TENM2: variants seen among roughly 807,000 people sequenced by gnomAD.
TENM2 encodes the protein teneurin transmembrane protein 2.
A neutral mutation model predicts 245.2 loss-of-function variants in TENM2; 52 were observed. The ratio of observed to expected loss-of-function variants is 0.21; its 90% CI spans 0.17 to 0.27. The LOEUF is 0.27. Among genes scored for constraint, TENM2 ranks in the 10% least tolerant of loss-of-function variants. The pLI is 1.00. For synonymous variants in TENM2, 1,363 were observed against 1,438.9 expected (o/e 0.95, Z 1.19); for missense variants, 3,046 against 3,666.8 (o/e 0.83, Z 4.37).
At chr5:167,728,658 TGA>T (rs1268166397) in intron 2 of TENM2, 1 of 151,968 alleles carries the variant, frequency 6.6e-6, no homozygotes, top group East Asian at 1.9e-4. Context: ...AAAGAGTGGC[TGA>T]GGGAGTATGT....
intron 10 of TENM2, 104 bp from the exon 13 acceptor site, chr5:168,124,746 T>C: frequency 1.9e-6 from 2 of 1,069,914 alleles, no homozygotes; most frequent in Non-Finnish European, 2.7e-6. Flanking sequence ...GGATGGGAAC[T>C]GGTGACCCAC....
intron 2 of TENM2, among the ~76,000 whole-genome samples, chr5:167,476,907 AT>A (rs2127522246): frequency 6.6e-6 from 1 of 152,204 alleles, no homozygotes; most frequent in Admixed American, 6.5e-5. Context: ...CCAATAGCTG[AT>A]TTCTTTAAAG....
chr5:167,998,847 G>T (rs914848852), intron 5 of TENM2, among the ~76,000 whole-genome samples: 6 of 152,192 alleles, frequency 3.9e-5, no homozygotes, highest in Non-Finnish European at 5.9e-5. Flanking sequence ...TGTTAAAAGT[G>T]TGGTAATTTG....
At chr5:167,045,111 G>A in the TENM2 span, among the ~76,000 whole-genome samples, 2 of 152,188 alleles carry the variant, frequency 1.3e-5, no homozygotes, top group Non-Finnish European at 2.9e-5. Context: ...ATGCAAGCCT[G>A]CATTTGACAA....
At chr5:167,194,789 T>G in the TENM2 span, among the ~76,000 whole-genome samples, 1 of 151,980 alleles carries the variant, frequency 6.6e-6, no homozygotes, top group South Asian at 2.1e-4. Context: ...GATAAGCACT[T>G]TCTTAGAAAT....
the TENM2 span, among the ~76,000 whole-genome samples, chr5:167,133,515 G>A: frequency 6.6e-6 from 1 of 151,472 alleles, no homozygotes; most frequent in Admixed American, 6.6e-5. Context: ...GTGGAGTTAG[G>A]CAGATAGAAA....
chr5:167,338,699 T>G (rs1162879830), intron 1 of TENM2, among the ~76,000 whole-genome samples: 3 of 152,166 alleles, frequency 2.0e-5, no homozygotes, highest in Non-Finnish European at 4.4e-5. Context: ...GTTAGCATGG[T>G]CTTTTGTCAA....
the TENM2 span, among the ~76,000 whole-genome samples, chr5:167,005,166 C>T: frequency 2.6e-5 from 4 of 152,200 alleles, no homozygotes; most frequent in East Asian, 1.9e-4. Context: ...TGGATTCGAG[C>T]GAGGGCTTTC....
chr5:167,484,660 A>G (rs543116322), intron 2 of TENM2, among the ~76,000 whole-genome samples: 1 of 152,282 alleles, frequency 6.6e-6, no homozygotes, highest in East Asian at 1.9e-4. Context: ...GTCTTACAAC[A>G]ATGAACTACA....
the TENM2 span, among the ~76,000 whole-genome samples, chr5:167,170,777 C>T: frequency 4.6e-5 from 7 of 152,178 alleles, no homozygotes; most frequent in African/African-American, 1.7e-4. Flanking sequence ...CAAAGTCCAC[C>T]ACGAACCTCA....
intron 3 of TENM2, among the ~76,000 whole-genome samples, chr5:167,876,783 C>T (rs568894481): frequency 7.9e-5 from 12 of 152,236 alleles, no homozygotes; most frequent in Middle Eastern, 3.4e-3. Flanking sequence ...TAGAATTTGA[C>T]AAGTTGGTGG....
At chr5:167,109,779 C>G in the TENM2 span, among the ~76,000 whole-genome samples, 1 of 152,124 alleles carries the variant, frequency 6.6e-6, no homozygotes, top group Non-Finnish European at 1.5e-5. Context: ...CGTTATGGTA[C>G]CAGAATTTCT....
At chr5:167,749,104 A>G (rs897588507) in intron 2 of TENM2, among the ~76,000 whole-genome samples, 1 of 152,100 alleles carries the variant, frequency 6.6e-6, no homozygotes, top group Admixed American at 6.6e-5. Flanking sequence ...TACTGGTTTC[A>G]TTACATATTT....
intron 7 of TENM2, among the ~76,000 whole-genome samples, chr5:168,083,878 A>G (rs1177709647): frequency 6.6e-6 from 1 of 152,112 alleles, no homozygotes; most frequent in East Asian, 1.9e-4. Context: ...TGGTTAACCA[A>G]CAGTAAAAAT....
chr5:167,195,384 A>G, the TENM2 span, among the ~76,000 whole-genome samples: 1 of 152,056 alleles, frequency 6.6e-6, no homozygotes, highest in African/African-American at 2.4e-5. Flanking sequence ...TTTATTGAGC[A>G]CATACTATAA....
At chr5:167,565,534 A>G (rs1354041020) in intron 2 of TENM2, among the ~76,000 whole-genome samples, 1 of 152,214 alleles carries the variant, frequency 6.6e-6, no homozygotes, top group African/African-American at 2.4e-5. Context: ...AGCTTCCATA[A>G]TGCAATTCTT....
the TENM2 span, among the ~76,000 whole-genome samples, chr5:167,000,224 A>G: frequency 7.7e-3 from 1,178 of 152,330 alleles, 11 homozygotes; most frequent in Middle Eastern, 0.024. Context: ...ATCCCTATCT[A>G]GAGAAAAATT....
chr5:167,268,926 A>AGG, the TENM2 span, among the ~76,000 whole-genome samples: 1 of 144,870 alleles, frequency 6.9e-6, no homozygotes, highest in Non-Finnish European at 1.6e-5. Flanking sequence ...AGATAGATAG[A>AGG]TAGACAGACA....
intron 2 of TENM2, among the ~76,000 whole-genome samples, chr5:167,823,206 T>C (rs1719635743): frequency 6.6e-6 from 1 of 152,188 alleles, no homozygotes; most frequent in African/African-American, 2.4e-5. Context: ...AGATATGCCC[T>C]ACCTCTCTGT....
Sources: allele counts gnomAD v4.1 joint callset (sites outside exome capture counted in the v4.1 genomes callset), GRCh38; gene constraint gnomAD v4.1.1; transcripts MANE v1.5; gene names NCBI Gene and HGNC (gene_info 2026-07-23, HGNC 2026-07-21).